The following ZNF286A variants were observed in gnomAD, a reference collection of about 807,000 sequenced individuals.
ZNF286A encodes zinc finger protein 286A, also known as zinc finger protein ZNF286.
ZNF286A carries 34 observed loss-of-function variants against 49.3 expected under a neutral mutation model. The ratio of observed to expected loss-of-function variants is 0.69; its 90% CI spans 0.52 to 0.92. ZNF286A has a LOEUF of 0.92. Ranked by LOEUF, ZNF286A falls within the 40% of genes least tolerant of loss-of-function variation. The pLI is 0.00. For synonymous variants in ZNF286A, 155 were observed against 200.4 expected, an observed-to-expected ratio of 0.77 and a Z score of 1.91; for missense variants, 462 against 600.2, an observed-to-expected ratio of 0.77 and a Z score of 2.41.
chr17:15,719,110 G>A lies in ZNF286A; in HGVS notation c.*1820G>A, dbSNP rs1474377806. On this transcript the variant is annotated 3_prime_UTR_variant, in exon 6 of 6. Coordinates refer to ENST00000583566, the MANE Select transcript of ZNF286A (RefSeq NM_001130842.2). ...ACAATTAAACATGAGATTTGGGTGG[G>A]GATACAGATCTAAACTGTATCATTA... The A allele has an allele frequency of 9.0e-6, 1 of 110,608 alleles. No homozygotes were observed. The highest frequency in any genetic ancestry group is 4.0e-5 in the African/African-American group (1 of 24,968). The allele number at this position is 110,608 out of a possible 1,614,324, so 6.9% of individuals were successfully genotyped here.
At chr17:15,701,939 G>A (rs1355239432) in intron 3 of ZNF286A, among the ~76,000 whole-genome samples, 4 of 151,776 alleles carry the variant, frequency 2.6e-5, no homozygotes, top group African/African-American at 4.8e-5. Flanking sequence ...TTGCTAACAC[G>A]GTGAAACCCC....
chr17:15,701,484 T>A, intron 3 of ZNF286A: 1 of 357,852 alleles, frequency 2.8e-6, no homozygotes. Flanking sequence ...AGCATTTCCC[T>A]TTCTTAGCCT....
At position 15,719,016 on chromosome 17, in the gene ZNF286A, T is replaced by C. The variant is rs919360975; in HGVS notation, c.*1726T>C. On this transcript the variant is annotated 3_prime_UTR_variant, in exon 6 of 6. Transcript: ENST00000583566. ...ACAGCAGTAGGGGGACAGTGCTAAA[T>C]CATTCATGAGAAACTACCTGCGTGG... 10 of 120,932 alleles carry C rather than the reference T, an allele frequency of 8.3e-5. No individual in the cohort carries two copies. The highest frequency in any genetic ancestry group is 3.5e-4 in the African/African-American group (10 of 28,750). The allele number at this position is 120,932 out of a possible 1,614,324, so 7.5% of individuals were successfully genotyped here.
chr17:15,704,066 A>T lies in ZNF286A; in HGVS notation c.127-2321A>T, dbSNP rs867407148. On this transcript the variant is annotated intron_variant, in intron 3 of 5. Transcript: ENST00000583566. The stretch of plus-strand genomic sequence containing the variant: ...GAATAATTCTCTTATTATTATTATT[A>T]TTTTTTTTTTTTTGCTTTTCCAACT... Among the ~76,000 whole-genome samples, 1,221 of 144,128 alleles carry T rather than the reference A, an allele frequency of 8.5e-3. 10 individuals are homozygous for T. Among genetic ancestry groups the T allele is most frequent in the African/African-American group, 0.021 (816 of 39,350 alleles). 94.6% of individuals were successfully genotyped at this position (144,128 alleles called of 152,430 possible).
rs976333577 is a variant in ZNF286A, at chr17:15,704,931, G to A, written c.127-1456G>A. 13 of 1,380,686 alleles carry A rather than the reference G, an allele frequency of 9.4e-6. No individual in the cohort carries two copies. The South Asian group carries it at 1.4e-4, about 15-fold the overall frequency. 85.5% of individuals were successfully genotyped at this position (1,380,686 alleles called of 1,614,324 possible). A position where few individuals can be genotyped will look rare whatever the true frequency, so the allele number is the denominator to read the frequency against. ...CGGCCGGCCGGGGGCGGGTCCCCCC[G>A]GCCCCCTTCCTGCGTTCTTCGGTCC... On this transcript the variant is annotated intron_variant, in intron 3 of 5. Transcript: ENST00000583566.
At chr17:15,703,634 A>G (rs1193925157) in intron 3 of ZNF286A, among the ~76,000 whole-genome samples, 1 of 152,052 alleles carries the variant, frequency 6.6e-6, no homozygotes, top group South Asian at 2.1e-4. Context: ...CATATGGTAT[A>G]CTATATTTCC....
At chr17:15,714,047 T>G (rs1171647942) in intron 5 of ZNF286A, among the ~76,000 whole-genome samples, 3 of 152,190 alleles carry the variant, frequency 2.0e-5, no homozygotes, top group Admixed American at 6.5e-5. Context: ...TGACCATTGT[T>G]CTTTGGTATA....
intron 1 of ZNF286A, 45 bp downstream of exon 1, chr17:15,699,822 C>G (rs560779219): frequency 1.4e-6 from 1 of 702,768 alleles, no homozygotes; most frequent in Non-Finnish European, 2.6e-6. Flanking sequence ...TCGGCCTCGG[C>G]GGTGGTTCCC....
At chr17:15,706,280 C>A in intron 3 of ZNF286A, 107 bp from the exon 4 acceptor site, 1 of 779,872 alleles carries the variant, frequency 1.3e-6, no homozygotes, top group South Asian at 1.5e-5. Flanking sequence ...ATAGTCAGTT[C>A]CCCTCTTAAG....
In ZNF286A at chr17:15,716,472, G is replaced by A. The variant is rs1967062953; in HGVS notation, c.748G>A (p.Glu250Lys). 1.2e-6 allele frequency: 2 copies of A among 1,613,924 alleles called. No homozygotes were observed. The highest frequency in any genetic ancestry group is 1.7e-6 in the Non-Finnish European group (2 of 1,179,950). ...KKPHKCNDCG[E>K]LFTYHSVLIR... ...ACCTCATAAATGTAATGATTGTGGT[G>A]AACTCTTCACCTACCATTCAGTGCT... The change falls in exon 6 of 6, where the codon GAA becomes AAA. Residue 250 changes from glutamate (E) to lysine (K), a missense_variant. This residue lies in a region of ZNF286A where 259 missense variants were observed against 272.2 expected (regional missense o/e 0.95). Coordinates refer to ENST00000583566, the MANE Select transcript of ZNF286A (RefSeq NM_001130842.2).
rs1305053765 is a variant in ZNF286A, at chr17:15,717,447, GTTCT to G, written c.*160_*163del. On this transcript the variant is annotated 3_prime_UTR_variant, in exon 6 of 6. Coordinates refer to ENST00000583566, the MANE Select transcript of ZNF286A (RefSeq NM_001130842.2). ...ATACATAGTTTTGAGCCATAAGCAGGTTCTTTATGTCCGTTAATTTGATAATTAT... is the reference window on the plus strand; with the variant it reads ...ATACATAGTTTTGAGCCATAAGCAGGTTATGTCCGTTAATTTGATAATTAT... 9.4e-6 allele frequency: 12 copies of G among 1,272,556 alleles called. No individual in the cohort carries two copies. Among genetic ancestry groups the G allele is most frequent in the East Asian group, 2.6e-5 (1 of 38,624 alleles). 78.8% of individuals were successfully genotyped at this position (1,272,556 alleles called of 1,614,324 possible). A position where few individuals can be genotyped will look rare whatever the true frequency, so the allele number is the denominator to read the frequency against.
chr17:15,700,966 C>A (rs1394329062), intron 2 of ZNF286A, among the ~76,000 whole-genome samples, 186 bp from the exon 3 acceptor site: 1 of 141,796 alleles, frequency 7.1e-6, no homozygotes, highest in Admixed American at 7.1e-5. Flanking sequence ...TGAATTCGAG[C>A]CCAGAGTAGC....
chr17:15,699,752 C>G lies in ZNF286A; in HGVS notation c.-221C>G, dbSNP rs995220241. ...CTCCGAGCTGGCCAAAGAAGTTCGT[C>G]CCCTTTGTGAGGCCCGGGATGGGAG... On this transcript the variant is annotated 5_prime_UTR_variant, in exon 1 of 6. Coordinates refer to ENST00000583566, the MANE Select transcript of ZNF286A (RefSeq NM_001130842.2). 21 of 702,776 alleles carry G rather than the reference C, an allele frequency of 3.0e-5. No homozygotes were observed. In the Middle Eastern group the frequency reaches 1.6e-3, roughly 53 times the overall value. 43.5% of individuals were successfully genotyped at this position (702,776 alleles called of 1,614,324 possible).
At chr17:15,706,629 TG>T in intron 4 of ZNF286A, 128 bp downstream of exon 4, 1 of 594,412 alleles carries the variant, frequency 1.7e-6, no homozygotes, top group Non-Finnish European at 2.7e-6. Flanking sequence ...TTTTGGCCTG[TG>T]TAGAAAATCT....
rs368914345 is a variant in ZNF286A at position 15,707,876 on chromosome 17, C to T, written c.242-279C>T. Among the ~76,000 whole-genome samples, 52 of 152,156 alleles carry T rather than the reference C, an allele frequency of 3.4e-4. No homozygotes were observed. In the East Asian group the frequency reaches 8.5e-3, roughly 25 times the overall value. Reference sequence around the variant, plus strand: ...CAGGACGGTGGCCATGAAAGTTGGTCGTGGTGGCTCACACCTGTAATCCCA... The same window carrying T: ...CAGGACGGTGGCCATGAAAGTTGGTTGTGGTGGCTCACACCTGTAATCCCA... On this transcript the variant is annotated intron_variant, in intron 4 of 5. Coordinates refer to ENST00000583566, the MANE Select transcript of ZNF286A (RefSeq NM_001130842.2).
At chr17:15,703,055 T>C (rs1434454711) in intron 3 of ZNF286A, among the ~76,000 whole-genome samples, 2 of 152,158 alleles carry the variant, frequency 1.3e-5, no homozygotes, top group East Asian at 1.9e-4. Context: ...AATGGGGTAT[T>C]AGGCCCATTC....
intron 5 of ZNF286A, 104 bp downstream of exon 5, chr17:15,708,351 T>G (rs568428150): frequency 2.4e-6 from 2 of 838,554 alleles, no homozygotes; most frequent in African/African-American, 3.5e-5. Context: ...TATTTTTAAA[T>G]TTTTTTAAAA....
intron 5 of ZNF286A, 138 bp downstream of exon 5, chr17:15,708,385 C>T (rs1597718795): frequency 3.9e-6 from 2 of 509,018 alleles, no homozygotes; most frequent in Non-Finnish European, 6.5e-6. Flanking sequence ...AAAATATATA[C>T]AGAAGTCCAG....
At chr17:15,702,030 G>A (rs1005836294) in intron 3 of ZNF286A, among the ~76,000 whole-genome samples, 3 of 151,844 alleles carry the variant, frequency 2.0e-5, no homozygotes, top group Non-Finnish European at 2.9e-5. Flanking sequence ...GCTGGGGCAG[G>A]AGAATCACTT....
Sources: allele counts gnomAD v4.1 joint callset (sites outside exome capture counted in the v4.1 genomes callset), GRCh38; gene constraint gnomAD v4.1.1; regional missense constraint gnomAD v4.1.1; transcripts MANE v1.5; gene names NCBI Gene and HGNC (gene_info 2026-07-23, HGNC 2026-07-21).